TMEM59L: variants seen among roughly 807,000 people sequenced by gnomAD.
TMEM59L encodes the protein transmembrane protein 59-like.
A neutral mutation model predicts 39.6 loss-of-function variants in TMEM59L; 31 were observed. That is an observed-to-expected ratio of 0.78 (90% CI 0.59 to 1.06). The LOEUF (loss-of-function observed/expected upper bound fraction) is 1.06. Ranked by LOEUF, TMEM59L falls within the 50% of genes least tolerant of loss-of-function variation. TMEM59L has a pLI of 0.00. For synonymous variants in TMEM59L, 219 were observed against 202.9 expected (o/e 1.08, Z -0.68); for missense variants, 441 against 451.3 (o/e 0.98, Z 0.21).
chr19:18,614,082 C>T, intron 2 of TMEM59L, 22 bp from the exon 3 acceptor site: 1 of 1,612,382 alleles, frequency 6.2e-7, no homozygotes, highest in Non-Finnish European at 8.5e-7. Context: ...CGTCCCCAGT[C>T]ACCCGCTCCC....
At position 18,612,893 on chromosome 19, in the gene TMEM59L, A is replaced by T; in HGVS notation, c.-66A>T. On this transcript the variant is annotated 5_prime_UTR_variant, in exon 1 of 8. Coordinates refer to ENST00000262817, the MANE Select transcript of TMEM59L (RefSeq NM_012109.3). The surrounding 1 kb of genome is among the most constrained non-coding windows in gnomAD (Gnocchi z 6.2). ...ACGTCAGCGCCCCGGTCCCCGCCGCAGCCGCTGCATCCTCCGTGCCCGGCC... is the reference window on the plus strand; with the variant it reads ...ACGTCAGCGCCCCGGTCCCCGCCGCTGCCGCTGCATCCTCCGTGCCCGGCC... 1 of 1,231,076 alleles carries T rather than the reference A, an allele frequency of 8.1e-7. No individual in the cohort carries two copies. The highest frequency in any genetic ancestry group is 1.0e-6 in the Non-Finnish European group (1 of 981,670). The allele number at this position is 1,231,076 out of a possible 1,614,324, so 76.3% of individuals were successfully genotyped here.
chr19:18,616,795 T>C (rs1421523473), intron 4 of TMEM59L, among the ~76,000 whole-genome samples: 1 of 152,178 alleles, frequency 6.6e-6, no homozygotes, highest in Non-Finnish European at 1.5e-5. Flanking sequence ...ATCATGTTCC[T>C]ACTTCTGGAG....
rs369337887 is a variant in TMEM59L, at chr19:18,616,996, C to T, written c.562-4C>T. 8 of 1,603,806 alleles carry T rather than the reference C, an allele frequency of 5.0e-6. No homozygotes were observed. In the African/African-American group the frequency reaches 5.4e-5, roughly 11 times the overall value. Reference sequence around the variant, plus strand: ...CTCTCTGTGCTGTCTTGTTCCTGGCCCAGACTCAGCCCATAGTGGAGAGCC... The same window carrying T: ...CTCTCTGTGCTGTCTTGTTCCTGGCTCAGACTCAGCCCATAGTGGAGAGCC... On this transcript the variant is annotated splice_region_variant and splice_polypyrimidine_tract_variant and intron_variant, in intron 4 of 7. Transcript: ENST00000262817.
At chr19:18,617,563 A>G (rs1480863031) in intron 5 of TMEM59L, 20 of 440,392 alleles carry the variant, frequency 4.5e-5, no homozygotes, top group Middle Eastern at 3.3e-4. Flanking sequence ...CATCTCTCAG[A>G]GTTCCATGGG....
At position 18,612,877 on chromosome 19, in the gene TMEM59L, C is replaced by G; in HGVS notation, c.-82C>G. ...CTGCCTCGCTCGGGTGACGTCAGCG[C>G]CCCGGTCCCCGCCGCAGCCGCTGCA... is the stretch of plus-strand genomic sequence containing the variant. On this transcript the variant is annotated 5_prime_UTR_variant, in exon 1 of 8. Transcript: ENST00000262817. The surrounding 1 kb of genome is among the most constrained non-coding windows in gnomAD (Gnocchi z 6.2). 8.5e-7 allele frequency: 1 copy of G among 1,174,770 alleles called. No individual in the cohort carries two copies. Among genetic ancestry groups the G allele is most frequent in the Non-Finnish European group, 1.1e-6 (1 of 932,764 alleles). The allele number at this position is 1,174,770 out of a possible 1,614,324, so 72.8% of individuals were successfully genotyped here. A position where few individuals can be genotyped will look rare whatever the true frequency, so the allele number is the denominator to read the frequency against.
At chr19:18,615,045 C>T (rs1388902627) in intron 3 of TMEM59L, among the ~76,000 whole-genome samples, 1 of 152,140 alleles carries the variant, frequency 6.6e-6, no homozygotes, top group Non-Finnish European at 1.5e-5. Flanking sequence ...TGCAGTGGTA[C>T]AATCTTGGCT....
At chr19:18,613,187 A>C (rs928622806) in intron 1 of TMEM59L, 58 bp downstream of exon 1, 1 of 1,162,238 alleles carries the variant, frequency 8.6e-7, no homozygotes, top group Non-Finnish European at 1.1e-6. Flanking sequence ...CCGAAGGAGG[A>C]GGCGTTGGGA....
At position 18,620,391 on chromosome 19, in the gene TMEM59L, C is replaced by T. The variant is rs371848504; in HGVS notation, c.901-17C>T. On this transcript the variant is annotated splice_polypyrimidine_tract_variant and intron_variant, in intron 7 of 7. Transcript: ENST00000262817. ...CTCCCCGTCCCTCCACTTCCCTCCT[C>T]CCCTCTCTTCCTGCAGCCTCTGACC... 2 of 1,600,350 alleles carry T rather than the reference C, an allele frequency of 1.2e-6. No individual in the cohort carries two copies. The highest frequency in any genetic ancestry group is 1.7e-6 in the Non-Finnish European group (2 of 1,171,238).
chr19:18,613,097 C>G lies in TMEM59L; in HGVS notation c.139C>G (p.Arg47Gly). ...CACGCAGAACTGCCAGCTGCGGTGC[C>G]GCGACCGCGACCTCGGCCCGCAGCC... is the stretch of plus-strand genomic sequence containing the variant. ...GDTQNCQLRC[R>G]DRDLGPQPSQ... The change falls in exon 1 of 8, where the codon CGC (arginine) becomes GGC (glycine). Residue 47 changes from arginine to glycine, a missense_variant. Physicochemically the swap from Arg to Gly is moderately radical, Grantham distance 125. Transcript: ENST00000262817. 7.6e-7 allele frequency: 1 copy of G among 1,320,166 alleles called. No individual in the cohort carries two copies. Among genetic ancestry groups the G allele is most frequent in the Non-Finnish European group, 9.6e-7 (1 of 1,038,776 alleles). The allele number at this position is 1,320,166 out of a possible 1,614,324, so 81.8% of individuals were successfully genotyped here.
At chr19:18,617,307 G>A (rs866816122) in intron 5 of TMEM59L, 26 of 662,132 alleles carry the variant, frequency 3.9e-5, no homozygotes, top group Admixed American at 2.1e-4. Flanking sequence ...TCAGGGTTCC[G>A]TGGTCTACTT....
chr19:18,618,457 C>G lies in TMEM59L; in HGVS notation c.865C>G (p.Leu289Val), dbSNP rs1230352958. 13 of 1,606,366 alleles carry G rather than the reference C, an allele frequency of 8.1e-6. No homozygotes were observed. Among genetic ancestry groups the G allele is most frequent in the Non-Finnish European group, 1.0e-5 (12 of 1,178,446 alleles). ...LVMLWLSCST[L>V]VTAPGQHLKF... ...GATGCTGTGGCTGAGCTGCTCCACC[C>G]TGGTGACCGCGCCTGGCCAGCACCT... is the stretch of plus-strand genomic sequence containing the variant. Residue 289 changes from leucine (L) to valine (V), a missense_variant, in exon 7 of 8, where the codon CTG (leucine) becomes GTG (valine). Coordinates refer to ENST00000262817, the MANE Select transcript of TMEM59L (RefSeq NM_012109.3).
intron 3 of TMEM59L, 109 bp downstream of exon 3, chr19:18,614,304 A>C (rs1340177848): frequency 7.7e-7 from 1 of 1,295,396 alleles, no homozygotes; most frequent in Non-Finnish European, 1.1e-6. Flanking sequence ...TCTGCGTTCT[A>C]TACCAGGCCT....
rs773424541 is a variant in TMEM59L at position 18,615,956 on chromosome 19, TTG to T, written c.409-18_409-17del. 6.2e-7 allele frequency: 1 copy of T among 1,612,328 alleles called. No individual in the cohort carries two copies. Among genetic ancestry groups the T allele is most frequent in the Non-Finnish European group, 8.5e-7 (1 of 1,178,864 alleles). The stretch of plus-strand genomic sequence containing the variant: ...CCTATTTCGGTGCCATCTTTGTGTC[TTG>T]GACCTTTTTTCACCAGAGAAAGGTC... On this transcript the variant is annotated splice_polypyrimidine_tract_variant and intron_variant, in intron 3 of 7. Transcript: ENST00000262817.
At position 18,612,990 on chromosome 19, in the gene TMEM59L, T is replaced by C. The variant is rs1225715437; in HGVS notation, c.32T>C (p.Leu11Pro). 62 of 1,330,816 alleles carry C rather than the reference T, an allele frequency of 4.7e-5. No individual in the cohort carries two copies. The highest frequency in any genetic ancestry group is 5.7e-5 in the South Asian group (3 of 52,636). 82.4% of individuals were successfully genotyped at this position (1,330,816 alleles called of 1,614,324 possible). MAAVALMPPP[L>P]LLLLLLASPP... is the part of the protein sequence containing the mutation. The stretch of plus-strand genomic sequence containing the variant: ...GCGGTGGCGCTGATGCCACCGCCGC[T>C]GCTGCTGCTGCTGCTGTTGGCGTCG... The change falls in exon 1 of 8, where the codon CTG (leucine) becomes CCG (proline). Residue 11 changes from leucine (L) to proline (P), a missense_variant. By Grantham distance (98) the Leu-to-Pro change is moderately conservative (BLOSUM62 -3). Coordinates refer to ENST00000262817, the MANE Select transcript of TMEM59L (RefSeq NM_012109.3). This position sits in a 1 kb window ranked among gnomAD's most constrained non-coding sequence, Gnocchi z 6.2.
rs544384274 is a variant in TMEM59L at position 18,613,479 on chromosome 19, C to T, written c.171+350C>T. On this transcript the variant is annotated intron_variant, in intron 1 of 7. Transcript: ENST00000262817. ...TCCTCCACATCGTGTTCCCTCCCCA[C>T]TCAGAGCTACCAGCCCCTACTCATA... Among the ~76,000 whole-genome samples the T allele has an allele frequency of 4.0e-5, 6 of 151,658 alleles. No homozygotes were observed. In the South Asian group the frequency reaches 1.3e-3, roughly 32 times the overall value.
At chr19:18,620,281 G>A in intron 7 of TMEM59L, 127 bp from the exon 8 acceptor site, 1 of 901,084 alleles carries the variant, frequency 1.1e-6, no homozygotes, top group Non-Finnish European at 1.6e-6. Context: ...CAGCCTGGGT[G>A]ACAGAGAGAG....
Position 18,613,106 on chromosome 19 carries a change from G to T in TMEM59L, c.148G>T (p.Asp50Tyr). 1 of 1,310,866 alleles carries T rather than the reference G, an allele frequency of 7.6e-7. No individual in the cohort carries two copies. Among genetic ancestry groups the T allele is most frequent in the South Asian group, 2.2e-5 (1 of 45,374 alleles). The allele number at this position is 1,310,866 out of a possible 1,614,324, so 81.2% of individuals were successfully genotyped here. A position where few individuals can be genotyped will look rare whatever the true frequency, so the allele number is the denominator to read the frequency against. The change falls in exon 1 of 8, where the codon GAC becomes TAC. Residue 50 changes from aspartate to tyrosine, a missense_variant. By Grantham distance (160) the Asp-to-Tyr change is radical (BLOSUM62 -3). Coordinates refer to ENST00000262817, the MANE Select transcript of TMEM59L (RefSeq NM_012109.3). ...QNCQLRCRDR[D>Y]LGPQPSQAGL... The stretch of plus-strand genomic sequence containing the variant: ...CTGCCAGCTGCGGTGCCGCGACCGC[G>T]ACCTCGGCCCGCAGCCCTCGCAGGT...
Position 18,612,954 on chromosome 19 carries a change from C to G in TMEM59L, c.-5C>G. ...TCCCCCGCGCCCCCCGCGTTCCGCCCGGCCATGGCTGCGGTGGCGCTGATG... is the reference window on the plus strand; with the variant it reads ...TCCCCCGCGCCCCCCGCGTTCCGCCGGGCCATGGCTGCGGTGGCGCTGATG... On this transcript the variant is annotated 5_prime_UTR_variant, in exon 1 of 8. Transcript: ENST00000262817. This position sits in a 1 kb window ranked among gnomAD's most constrained non-coding sequence, Gnocchi z 6.2. 1 of 1,303,680 alleles carries G rather than the reference C, an allele frequency of 7.7e-7. No individual in the cohort carries two copies. Among genetic ancestry groups the G allele is most frequent in the Non-Finnish European group, 9.7e-7 (1 of 1,030,572 alleles). 80.8% of individuals were successfully genotyped at this position (1,303,680 alleles called of 1,614,324 possible). A position where few individuals can be genotyped will look rare whatever the true frequency, so the allele number is the denominator to read the frequency against.
At chr19:18,616,391 T>C (rs1049594560) in intron 4 of TMEM59L, among the ~76,000 whole-genome samples, 1 of 151,684 alleles carries the variant, frequency 6.6e-6, no homozygotes, top group Non-Finnish European at 1.5e-5. Context: ...TTTTTTTTTG[T>C]TGTTGTTGTT....
Sources: gnomAD v4.1 joint callset for allele counts (sites outside exome capture counted in the v4.1 genomes callset) on GRCh38, gnomAD v4.1.1 for gene constraint, Gnocchi (gnomAD v3.1) non-coding constraint, MANE v1.5 for transcripts, NCBI Gene and HGNC (gene_info 2026-07-23, HGNC 2026-07-21) for gene names.